LRRC41: variants seen among roughly 807,000 people sequenced by gnomAD.
The protein encoded by LRRC41 is leucine rich repeat containing 41.
Under a neutral mutation model 72.1 loss-of-function variants are expected in LRRC41, and 17 were observed. The ratio of observed to expected loss-of-function variants is 0.24; its 90% CI spans 0.16 to 0.35. LRRC41 has a LOEUF of 0.35. Ranked by LOEUF, LRRC41 falls within the 10% of genes least tolerant of loss-of-function variation. LRRC41 has a pLI of 1.00. For synonymous variants in LRRC41, 427 were observed against 431.0 expected (o/e 0.99, Z 0.11); for missense variants, 759 against 1,065.0 (o/e 0.71, Z 4.00).
Position 46,302,515 on chromosome 1 carries a change from C to T in LRRC41, c.199+609G>A, listed in dbSNP as rs1473751042. The stretch of plus-strand genomic sequence containing the variant: ...GTCAGCCCTGGGCCGTCAGACAGGC[C>T]GCGGCGCCCCGACCCTTTCGTTCGG... On this transcript the variant is annotated intron_variant, in intron 1 of 9. Transcript: ENST00000617190. This position sits in a 1 kb window ranked among gnomAD's most constrained non-coding sequence, Gnocchi z 4.7. The T allele has an allele frequency of 2.0e-6, 2 of 985,274 alleles. No homozygotes were observed. Among genetic ancestry groups the T allele is most frequent in the Admixed American group, 6.1e-5 (1 of 16,268 alleles). 61.0% of individuals were successfully genotyped at this position (985,274 alleles called of 1,614,324 possible). A position where few individuals can be genotyped will look rare whatever the true frequency, so the allele number is the denominator to read the frequency against.
chr1:46,289,751 A>T (rs536298688), intron 3 of LRRC41, among the ~76,000 whole-genome samples: 116 of 151,580 alleles, frequency 7.7e-4, no homozygotes, highest in Non-Finnish European at 1.5e-3. Context: ...ATAGAGCAAG[A>T]CTCCGTCTCC....
Position 46,282,191 on chromosome 1 carries a change from A to G in LRRC41, c.1496-806T>C, listed in dbSNP as rs189187983. On this transcript the variant is annotated intron_variant, in intron 4 of 9. Transcript: ENST00000617190. ...TAGAGGGCAGGGCACTGGAGGCCAC[A>G]TTATGGAAAGGCAAAGGGATGGTTT... Among the ~76,000 whole-genome samples the G allele has an allele frequency of 2.1e-3, 327 of 152,318 alleles. 6 individuals carry two copies. Among genetic ancestry groups the G allele is most frequent in the Admixed American group, 0.018 (280 of 15,296 alleles).
At chr1:46,301,054 A>G (rs968237123) in intron 1 of LRRC41, among the ~76,000 whole-genome samples, 19 of 151,980 alleles carry the variant, frequency 1.3e-4, no homozygotes, top group African/African-American at 4.6e-4. Context: ...TAAACTGTCA[A>G]TTGTTTTAGG....
In LRRC41 at chr1:46,280,670, C is replaced by G. The variant is rs1373288561; in HGVS notation, c.1757-110G>C. 1.1e-5 allele frequency: 12 copies of G among 1,139,362 alleles called. No individual in the cohort carries two copies. The East Asian group carries it at 3.0e-4, about 28-fold the overall frequency. The allele number at this position is 1,139,362 out of a possible 1,614,324, so 70.6% of individuals were successfully genotyped here. On this transcript the variant is annotated intron_variant, in intron 5 of 9. Coordinates refer to ENST00000617190, the MANE Select transcript of LRRC41 (RefSeq NM_006369.5). ...ATCTAAAAAATTATTTATTCATTCACTTGTCGTTGAGTGCCTACCATATGT... is the reference window on the plus strand; with the variant it reads ...ATCTAAAAAATTATTTATTCATTCAGTTGTCGTTGAGTGCCTACCATATGT...
chr1:46,282,596 C>T (rs1267074686), intron 4 of LRRC41, among the ~76,000 whole-genome samples: 2 of 151,946 alleles, frequency 1.3e-5, no homozygotes, highest in African/African-American at 4.8e-5. Context: ...CCAGCTAAGT[C>T]CTAAAGAACA....
chr1:46,298,237 G>A lies in LRRC41; in HGVS notation c.286+47C>T, dbSNP rs772723361. ...ATATTTACCGGAAGAACATTATGGT[G>A]CCTTGCTCATAATCATTGACTGAGA... On this transcript the variant is annotated intron_variant, in intron 2 of 9. Transcript: ENST00000617190. The A allele has an allele frequency of 1.5e-6, 2 of 1,312,040 alleles. 1 individual carries two copies. Among genetic ancestry groups the A allele is most frequent in the Admixed American group, 3.7e-5 (2 of 53,568 alleles). The allele number at this position is 1,312,040 out of a possible 1,614,324, so 81.3% of individuals were successfully genotyped here.
intron 3 of LRRC41, among the ~76,000 whole-genome samples, chr1:46,290,932 T>G (rs1203646363): frequency 6.8e-6 from 1 of 146,122 alleles, no homozygotes; most frequent in African/African-American, 2.5e-5. Context: ...TTTTTTTTTT[T>G]TTTTTTTTTT....
At chr1:46,289,539 G>C (rs1158142767) in intron 3 of LRRC41, among the ~76,000 whole-genome samples, 4 of 151,956 alleles carry the variant, frequency 2.6e-5, no homozygotes, top group Admixed American at 6.6e-5. Context: ...AGGCGGGGGG[G>C]ATCACAAGGT....
Position 46,280,438 on chromosome 1 carries a change from C to G in LRRC41, c.1879G>C (p.Ala627Pro). 1 of 1,614,164 alleles carries G rather than the reference C, an allele frequency of 6.2e-7. No individual in the cohort carries two copies. Among genetic ancestry groups the G allele is most frequent in the South Asian group, 1.1e-5 (1 of 91,090 alleles). ...ACAAGCCCAAAATCCTGGGGAGAGG[C>G]AAAGGTGGCACTATCCAGGGACAGC... The part of the protein sequence containing the change: ...QQLSLDSATF[A>P]SPQDFGLVLQ... The change falls in exon 6 of 10, where the codon GCC (alanine) becomes CCC (proline). Residue 627 changes from alanine to proline, a missense_variant. Physicochemically the swap from Ala to Pro is conservative, Grantham distance 27 (BLOSUM62 -1). Transcript: ENST00000617190.
chr1:46,301,842 A>C, intron 1 of LRRC41: 35 of 386,358 alleles, frequency 9.1e-5, no homozygotes, highest in Non-Finnish European at 1.1e-4. Context: ...CCTCCCCAGC[A>C]GGCCTCGGCC....
In LRRC41 at chr1:46,279,397, G is replaced by A. The variant is rs758614015; in HGVS notation, c.2143+95C>T. On this transcript the variant is annotated intron_variant, in intron 8 of 9. Coordinates refer to ENST00000617190, the MANE Select transcript of LRRC41 (RefSeq NM_006369.5). The surrounding 1 kb of genome is among the most constrained non-coding windows in gnomAD (Gnocchi z 4.5). ...GAAATATCTGTATTCCAACTCCCAC[G>A]TTCCCAGTGGAGAGGTCTTTGCCTT... The A allele has an allele frequency of 1.6e-5, 26 of 1,591,126 alleles. No homozygotes were observed. Among genetic ancestry groups the A allele is most frequent in the Admixed American group, 5.0e-5 (3 of 59,994 alleles).
chr1:46,294,184 G>A (rs911911850), intron 3 of LRRC41, among the ~76,000 whole-genome samples: 2 of 151,306 alleles, frequency 1.3e-5, no homozygotes, highest in African/African-American at 4.9e-5. Flanking sequence ...GTGTGATCTC[G>A]GCTCAGTGCA....
At chr1:46,296,436 CAAAACA>C (rs1557718546) in intron 3 of LRRC41, among the ~76,000 whole-genome samples, 1 of 152,062 alleles carries the variant, frequency 6.6e-6, no homozygotes, top group Non-Finnish European at 1.5e-5. Context: ...CAAAACAAAA[CAAAACA>C]AAACAAAACT....
chr1:46,278,804 C>T lies in LRRC41; in HGVS notation c.*61G>A. Reference sequence around the variant, plus strand: ...ACTGGTGGTTGGGGTTCTGGGCAGCCCATGCTTCAGCCCCTGCAAGCTGAT... The same window carrying T: ...ACTGGTGGTTGGGGTTCTGGGCAGCTCATGCTTCAGCCCCTGCAAGCTGAT... On this transcript the variant is annotated 3_prime_UTR_variant, in exon 10 of 10. Coordinates refer to ENST00000617190, the MANE Select transcript of LRRC41 (RefSeq NM_006369.5). 1.3e-6 allele frequency: 2 copies of T among 1,490,486 alleles called. No individual in the cohort carries two copies. Among genetic ancestry groups the T allele is most frequent in the Non-Finnish European group, 9.2e-7 (1 of 1,081,732 alleles). The allele number at this position is 1,490,486 out of a possible 1,614,324, so 92.3% of individuals were successfully genotyped here.
intron 4 of LRRC41, chr1:46,284,142 G>A (rs1660837567): frequency 6.6e-6 from 1 of 152,332 alleles, no homozygotes; most frequent in African/African-American, 2.4e-5. Flanking sequence ...AGTAAGAGAA[G>A]TGGAAACAGT....
chr1:46,291,616 A>G (rs1661020130), intron 3 of LRRC41, among the ~76,000 whole-genome samples: 1 of 135,814 alleles, frequency 7.4e-6, no homozygotes, highest in Non-Finnish European at 1.5e-5. Flanking sequence ...CTGGAGTGCA[A>G]TGGCACAATC....
chr1:46,280,067 G>T, intron 7 of LRRC41, 125 bp downstream of exon 7: 2 of 715,260 alleles, frequency 2.8e-6, no homozygotes, highest in Non-Finnish European at 4.9e-6. Context: ...AATCATGCAG[G>T]TTCTATATCC....
rs1398658304 is a variant in LRRC41 at position 46,277,599 on chromosome 1, A to G, written c.*1266T>C. The G allele has an allele frequency of 3.0e-5, 18 of 603,896 alleles. No homozygotes were observed. The highest frequency in any genetic ancestry group is 4.6e-5 in the Non-Finnish European group (16 of 344,624). The allele number at this position is 603,896 out of a possible 1,614,324, so 37.4% of individuals were successfully genotyped here. On this transcript the variant is annotated 3_prime_UTR_variant, in exon 10 of 10. Coordinates refer to ENST00000617190, the MANE Select transcript of LRRC41 (RefSeq NM_006369.5). Reference sequence around the variant, plus strand: ...CCTGGGACCCTTCATTAGTATAGAAAGTAGCCTGGGTGGGCAGACTATTCA... The same window carrying G: ...CCTGGGACCCTTCATTAGTATAGAAGGTAGCCTGGGTGGGCAGACTATTCA...
chr1:46,285,741 G>A lies in LRRC41; in HGVS notation c.1116C>T (p.Ser372=). The A allele has an allele frequency of 6.2e-7, 1 of 1,604,468 alleles. No homozygotes were observed. Among genetic ancestry groups the A allele is most frequent in the Non-Finnish European group, 8.5e-7 (1 of 1,175,268 alleles). ...AGCTAGCTGGTGCCCGTTTGTATGA[G>A]GATGTAGAAGAAGAGGCAGAGGAGG... ...AATSSASSST[S]SYKRAPASSA... is the part of the protein sequence containing the mutation. The change falls in exon 4 of 10, where the codon TCC becomes TCT. Residue 372 remains serine (S), a synonymous_variant. Transcript: ENST00000617190. This position sits in a 1 kb window ranked among gnomAD's most constrained non-coding sequence, Gnocchi z 5.3.
Sources: gnomAD v4.1 joint callset for allele counts (sites outside exome capture counted in the v4.1 genomes callset) on GRCh38, gnomAD v4.1.1 for gene constraint, Gnocchi (gnomAD v3.1) non-coding constraint, MANE v1.5 for transcripts, NCBI Gene and HGNC (gene_info 2026-07-23, HGNC 2026-07-21) for gene names.